The following DRC9 variants were observed in gnomAD, a reference collection of about 807,000 sequenced individuals.
The protein encoded by DRC9 is dynein regulatory complex subunit 9.
At chr3:197,896,338 C>T in the DRC9 span, among the ~76,000 whole-genome samples, 5 of 148,644 alleles carry the variant, frequency 3.4e-5, no homozygotes, top group African/African-American at 5.0e-5. Flanking sequence ...AGCAAAACTC[C>T]GTTAAAAAAA....
At chr3:197,948,811 T>C in the DRC9 span, among the ~76,000 whole-genome samples, 1 of 152,202 alleles carries the variant, frequency 6.6e-6, no homozygotes, top group African/African-American at 2.4e-5. Context: ...CAGCAAATCT[T>C]GCCAGAATTT....
At chr3:197,892,035 A>G in the DRC9 span, among the ~76,000 whole-genome samples, 2 of 152,170 alleles carry the variant, frequency 1.3e-5, no homozygotes, top group Non-Finnish European at 2.9e-5. Flanking sequence ...AATTACAGCC[A>G]CGTGCCACCA....
At chr3:197,938,948 A>G in the DRC9 span, 1 of 603,824 alleles carries the variant, frequency 1.7e-6, no homozygotes. Flanking sequence ...CCCTGCTGCT[A>G]ACTTCACACA....
the DRC9 span, among the ~76,000 whole-genome samples, chr3:197,938,287 A>T: frequency 6.7e-6 from 1 of 149,838 alleles, no homozygotes; most frequent in Non-Finnish European, 1.5e-5. Context: ...ATTGCACTCC[A>T]GCCTTGGTGA....
chr3:197,892,688 T>A, the DRC9 span: 3 of 1,614,096 alleles, frequency 1.9e-6, no homozygotes, highest in Non-Finnish European at 2.5e-6. Context: ...TGAGAGCATT[T>A]AGTTCATTCT....
chr3:197,899,479 T>C, the DRC9 span, among the ~76,000 whole-genome samples: 1 of 152,124 alleles, frequency 6.6e-6, no homozygotes, highest in Non-Finnish European at 1.5e-5. Flanking sequence ...TCCCAGCTCC[T>C]TGGAGGCTGA....
At chr3:197,919,656 C>T in the DRC9 span, among the ~76,000 whole-genome samples, 7 of 152,148 alleles carry the variant, frequency 4.6e-5, no homozygotes, top group African/African-American at 1.4e-4. Context: ...TCTACCAACT[C>T]GAGTTAATAA....
chr3:197,943,696 G>C, the DRC9 span: 2 of 1,155,024 alleles, frequency 1.7e-6, no homozygotes, highest in East Asian at 4.7e-5. Flanking sequence ...AGAAAAATAA[G>C]TACATTTAAT....
the DRC9 span, among the ~76,000 whole-genome samples, chr3:197,917,372 G>A: frequency 1.3e-5 from 2 of 152,162 alleles, 1 homozygote; most frequent in Admixed American, 1.3e-4. Context: ...TTGTCTACTA[G>A]CTTCTTGATA....
the DRC9 span, among the ~76,000 whole-genome samples, chr3:197,915,139 G>A: frequency 1.6e-3 from 222 of 141,386 alleles, 1 homozygote; most frequent in African/African-American, 5.7e-3. Context: ...AGTCCAGCCT[G>A]GGTGATAGAG....
At chr3:197,939,015 TAAA>T in the DRC9 span, 1 of 478,852 alleles carries the variant, frequency 2.1e-6, no homozygotes, top group East Asian at 3.6e-5. Flanking sequence ...TGCTCAAAAG[TAAA>T]GTTCTTTGTG....
the DRC9 span, among the ~76,000 whole-genome samples, chr3:197,939,643 T>A: frequency 1.1e-4 from 17 of 152,212 alleles, no homozygotes; most frequent in African/African-American, 4.1e-4. Context: ...CTAGTTAACA[T>A]CTCTGTGTCC....
chr3:197,924,182 C>A, the DRC9 span, among the ~76,000 whole-genome samples: 2 of 151,312 alleles, frequency 1.3e-5, no homozygotes, highest in African/African-American at 2.4e-5. Context: ...ATGGTGAAAC[C>A]CCGTCTGTAC....
chr3:197,936,867 G>A, the DRC9 span, among the ~76,000 whole-genome samples: 2 of 151,582 alleles, frequency 1.3e-5, no homozygotes, highest in Non-Finnish European at 2.9e-5. Context: ...CATGAAGCGG[G>A]CAATTTATAA....
At chr3:197,894,795 G>A in the DRC9 span, among the ~76,000 whole-genome samples, 1 of 152,204 alleles carries the variant, frequency 6.6e-6, no homozygotes, top group Non-Finnish European at 1.5e-5. Context: ...TGAGCGGGGT[G>A]GCTTGTGCCT....
chr3:197,943,638 A>G, the DRC9 span: 5 of 800,246 alleles, frequency 6.2e-6, no homozygotes, highest in Non-Finnish European at 9.4e-6. Context: ...GACCCTGTCA[A>G]AAAAAAAAAG....
the DRC9 span, among the ~76,000 whole-genome samples, chr3:197,899,331 A>T: frequency 1.3e-5 from 2 of 152,242 alleles, no homozygotes; most frequent in African/African-American, 4.8e-5. Flanking sequence ...AAAGCTTCCA[A>T]TTCACGCTGC....
chr3:197,897,572 C>T, the DRC9 span, among the ~76,000 whole-genome samples: 1 of 152,062 alleles, frequency 6.6e-6, no homozygotes, highest in African/African-American at 2.4e-5. Context: ...AACTATCACA[C>T]ATCTCTGAAA....
At chr3:197,939,799 C>T in the DRC9 span, among the ~76,000 whole-genome samples, 18 of 151,822 alleles carry the variant, frequency 1.2e-4, no homozygotes, top group African/African-American at 3.9e-4. Flanking sequence ...AGTGCAGTGG[C>T]GCGATCTCGG....
Sources: gnomAD v4.1 joint callset for allele counts (sites outside exome capture counted in the v4.1 genomes callset) on GRCh38, gnomAD v4.1.1 for gene constraint, MANE v1.5 for transcripts, NCBI Gene and HGNC (gene_info 2026-07-23, HGNC 2026-07-21) for gene names.